LIMK1: variants seen among roughly 807,000 people sequenced by gnomAD.
LIMK1 encodes LIM motif-containing protein kinase.
Under a neutral mutation model 77.6 loss-of-function variants are expected in LIMK1, and 21 were observed. That is an observed-to-expected ratio of 0.27 (90% CI 0.19 to 0.39). LIMK1 has a LOEUF of 0.39. Ranked by LOEUF, LIMK1 falls within the 10% of genes least tolerant of loss-of-function variation. The pLI is 1.00. For synonymous variants in LIMK1, 358 were observed against 370.0 expected, an observed-to-expected ratio of 0.97 and a Z score of 0.37; for missense variants, 696 against 901.6, an observed-to-expected ratio of 0.77 and a Z score of 2.92.
intron 10 of LIMK1, chr7:74,109,409 A>T (rs1379562565): frequency 7.3e-6 from 2 of 273,886 alleles, no homozygotes; most frequent in Non-Finnish European, 1.5e-5. Context: ...GAATAAAATT[A>T]CAAATCCATC....
At position 74,120,872 on chromosome 7, in the gene LIMK1, C is replaced by G; in HGVS notation, c.1624-20C>G. The G allele has an allele frequency of 6.2e-7, 1 of 1,613,970 alleles. No individual in the cohort carries two copies. Among genetic ancestry groups the G allele is most frequent in the Non-Finnish European group, 8.5e-7 (1 of 1,179,918 alleles). ...GGCTGAGGGCCCCCTGGAGTAACTGCCGGGCCTTGTACTGGACAGATCATC... is the reference window on the plus strand; with the variant it reads ...GGCTGAGGGCCCCCTGGAGTAACTGGCGGGCCTTGTACTGGACAGATCATC... On this transcript the variant is annotated intron_variant, in intron 14 of 15. Transcript: ENST00000336180.
intron 2 of LIMK1, among the ~76,000 whole-genome samples, chr7:74,094,756 T>G (rs1247555840): frequency 1.3e-5 from 2 of 149,026 alleles, no homozygotes; most frequent in Admixed American, 1.3e-4. Context: ...GGTGATCCGG[T>G]GAACTGCCGG....
intron 2 of LIMK1, among the ~76,000 whole-genome samples, chr7:74,089,697 GA>G (rs1300284392): frequency 6.6e-6 from 1 of 152,068 alleles, no homozygotes; most frequent in African/African-American, 2.4e-5. Context: ...AGCTGGAGGG[GA>G]CATGGGCTAT....
chr7:74,106,968 A>G (rs1799586716), intron 7 of LIMK1, 42 bp from the exon 8 acceptor site: 1 of 1,509,266 alleles, frequency 6.6e-7, no homozygotes, highest in Non-Finnish European at 8.9e-7. Flanking sequence ...GCCGGGTGCT[A>G]CCTGTCCCCC....
Position 74,106,994 on chromosome 7 carries a change from CATGTGT to C in LIMK1, c.882-15_882-10del. 1 of 1,557,008 alleles carries C rather than the reference CATGTGT, an allele frequency of 6.4e-7. No homozygotes were observed. The highest frequency in any genetic ancestry group is 8.7e-7 in the Non-Finnish European group (1 of 1,151,328). ...CCTGTCCCCCGGTGGCACTTGGCAC[CATGTGT>C]GCCCCCCAGGAGGAGCTGCAGCATC... On this transcript the variant is annotated splice_polypyrimidine_tract_variant and intron_variant, in intron 7 of 15. Coordinates refer to ENST00000336180, the MANE Select transcript of LIMK1 (RefSeq NM_002314.4).
intron 5 of LIMK1, among the ~76,000 whole-genome samples, chr7:74,100,608 G>T (rs1799437890): frequency 6.6e-6 from 1 of 152,020 alleles, no homozygotes; most frequent in Non-Finnish European, 1.5e-5. Context: ...GTAAAGACAG[G>T]GTTTCACCAT....
chr7:74,107,814 T>C, intron 8 of LIMK1, 57 bp from the exon 9 acceptor site: 1 of 1,417,800 alleles, frequency 7.1e-7, no homozygotes, highest in Non-Finnish European at 9.8e-7. Flanking sequence ...TGGGGCTTCC[T>C]AGAAGGCGGG....
At chr7:74,100,979 C>T (rs1050476376) in intron 5 of LIMK1, among the ~76,000 whole-genome samples, 19 of 152,016 alleles carry the variant, frequency 1.2e-4, no homozygotes, top group African/African-American at 3.9e-4. Flanking sequence ...CCTCGTGATC[C>T]GCCCGTCTCG....
At chr7:74,089,533 A>T (rs810537) in intron 2 of LIMK1, among the ~76,000 whole-genome samples, 1 of 152,030 alleles carries the variant, frequency 6.6e-6, no homozygotes, top group East Asian at 1.9e-4. Flanking sequence ...AAAGAAAAAG[A>T]CAGGGGCTTC....
rs1554698163 is a variant in LIMK1, at chr7:74,109,053, G to A, written c.1284+17G>A. ...AAGAGCATGGTGAGTCCTGGGCAGA[G>A]CCAGCCACCCCCGCTGTGCGGCCCC... On this transcript the variant is annotated intron_variant, in intron 10 of 15. Transcript: ENST00000336180. The A allele has an allele frequency of 2.5e-6, 4 of 1,599,978 alleles. No individual in the cohort carries two copies. In the African/African-American group the frequency reaches 5.4e-5, roughly 21 times the overall value.
intron 5 of LIMK1, among the ~76,000 whole-genome samples, chr7:74,103,959 A>G (rs1439469742): frequency 2.6e-5 from 4 of 151,600 alleles, no homozygotes; most frequent in Admixed American, 1.3e-4. Flanking sequence ...ATGCCTGGCT[A>G]ATTTTTTATT....
chr7:74,090,880 C>T (rs1458874273), intron 2 of LIMK1, among the ~76,000 whole-genome samples: 1 of 152,142 alleles, frequency 6.6e-6, no homozygotes, highest in Non-Finnish European at 1.5e-5. Flanking sequence ...GCATTAGGCC[C>T]CTCTCACAAC....
Position 74,099,257 on chromosome 7 carries a change from G to A in LIMK1, c.608+19G>A, listed in dbSNP as rs782509930. ...TCCAGGGGTGAGTGGCCGGCCTGCCGAGGCTGCCGTCGGTGTGGCTATGGC... is the reference window on the plus strand; with the variant it reads ...TCCAGGGGTGAGTGGCCGGCCTGCCAAGGCTGCCGTCGGTGTGGCTATGGC... On this transcript the variant is annotated intron_variant, in intron 5 of 15. Transcript: ENST00000336180. The A allele has an allele frequency of 1.2e-5, 19 of 1,599,710 alleles. No individual in the cohort carries two copies. The highest frequency in any genetic ancestry group is 1.7e-5 in the Admixed American group (1 of 59,950).
intron 1 of LIMK1, among the ~76,000 whole-genome samples, chr7:74,085,468 A>G (rs1406146237): frequency 6.6e-6 from 1 of 152,208 alleles, no homozygotes; most frequent in Non-Finnish European, 1.5e-5. Context: ...GCCAGATCCA[A>G]TGCTATAGCG....
intron 4 of LIMK1, among the ~76,000 whole-genome samples, chr7:74,097,989 T>C (rs2115665949): frequency 6.6e-6 from 1 of 152,312 alleles, no homozygotes; most frequent in African/African-American, 2.4e-5. Flanking sequence ...TCCGACCAAA[T>C]GAAGAAGCAT....
chr7:74,087,116 G>A (rs1047927395), intron 2 of LIMK1, among the ~76,000 whole-genome samples: 20 of 152,114 alleles, frequency 1.3e-4, no homozygotes, highest in African/African-American at 4.8e-4. Flanking sequence ...GAAAAGTAGA[G>A]TGGAGGTGGG....
chr7:74,101,720 G>C (rs1386628801), intron 5 of LIMK1, among the ~76,000 whole-genome samples: 1 of 152,006 alleles, frequency 6.6e-6, no homozygotes, highest in Non-Finnish European at 1.5e-5. Context: ...TTTAAGGAAG[G>C]TCTAATTTAT....
At position 74,108,983 on chromosome 7, in the gene LIMK1, T is replaced by A. The variant is rs115876228; in HGVS notation, c.1231T>A (p.Phe411Ile). The stretch of plus-strand genomic sequence containing the variant: ...GCTCTACAAGGACAAGAGGCTCAAC[T>A]TCATCACTGAGTACATCAAGGGCGG... The part of the protein sequence containing the change: ...GVLYKDKRLN[F>I]ITEYIKGGTL... Residue 411 changes from phenylalanine to isoleucine, a missense_variant, in exon 10 of 16, where the codon TTC becomes ATC. Physicochemically the swap from Phe to Ile is conservative, Grantham distance 21. Transcript: ENST00000336180. 3.1e-6 allele frequency: 5 copies of A among 1,614,070 alleles called. No homozygotes were observed. In the East Asian group the frequency reaches 1.1e-4, roughly 36 times the overall value.
chr7:74,121,601 C>T lies in LIMK1; in HGVS notation c.*300C>T. On this transcript the variant is annotated 3_prime_UTR_variant, in exon 16 of 16. Coordinates refer to ENST00000336180, the MANE Select transcript of LIMK1 (RefSeq NM_002314.4). ...GCTGGAGGGCCTGTGTGAGTTACGCCCCTTTCCACACGCCGCTGCCCCAGC... is the reference window on the plus strand; with the variant it reads ...GCTGGAGGGCCTGTGTGAGTTACGCTCCTTTCCACACGCCGCTGCCCCAGC... The T allele has an allele frequency of 5.0e-6, 2 of 399,406 alleles. No individual in the cohort carries two copies. Among genetic ancestry groups the T allele is most frequent in the South Asian group, 1.1e-4 (2 of 17,566 alleles). The allele number at this position is 399,406 out of a possible 1,614,324, so 24.7% of individuals were successfully genotyped here. A position where few individuals can be genotyped will look rare whatever the true frequency, so the allele number is the denominator to read the frequency against.
Sources: gnomAD v4.1 joint callset for allele counts (sites outside exome capture counted in the v4.1 genomes callset) on GRCh38, gnomAD v4.1.1 for gene constraint, MANE v1.5 for transcripts, NCBI Gene and HGNC (gene_info 2026-07-23, HGNC 2026-07-21) for gene names.